Variants in PCSK6 observed in about 807,000 individuals in gnomAD.
PCSK6 encodes paired basic amino acid cleaving enzyme 4.
Under a neutral mutation model 123.3 loss-of-function variants are expected in PCSK6, and 85 were observed. The ratio of observed to expected loss-of-function variants is 0.69; its 90% CI spans 0.58 to 0.83. The LOEUF is 0.83. Ranked by LOEUF, PCSK6 falls within the 40% of genes least tolerant of loss-of-function variation. The probability of loss-of-function intolerance (pLI) is 0.00; values close to 1 mark genes in which losing one functional copy is unlikely to be tolerated. For missense variants in PCSK6, 1,191 were observed against 1,282.3 expected, an observed-to-expected ratio of 0.93 and a Z score of 1.09; for synonymous variants, 508 against 516.0, an observed-to-expected ratio of 0.98 and a Z score of 0.21.
intron 13 of PCSK6, among the ~76,000 whole-genome samples, chr15:101,353,065 C>A (rs1242745350): frequency 6.6e-6 from 1 of 152,192 alleles, no homozygotes; most frequent in African/African-American, 2.4e-5. Flanking sequence ...AAGCACATGA[C>A]AATCATTGTG....
intron 9 of PCSK6, among the ~76,000 whole-genome samples, chr15:101,386,157 C>A (rs746814294): frequency 6.6e-6 from 1 of 152,042 alleles, no homozygotes. Flanking sequence ...GAACGCACGC[C>A]GCGCCACAGG....
intron 1 of PCSK6, among the ~76,000 whole-genome samples, chr15:101,461,986 A>G (rs1006742301): frequency 6.6e-6 from 1 of 152,238 alleles, no homozygotes; most frequent in African/African-American, 2.4e-5. Context: ...CATGATAAAT[A>G]AATAATTAGC....
At chr15:101,399,990 A>T (rs4965845) in intron 6 of PCSK6, among the ~76,000 whole-genome samples, 86,642 of 152,026 alleles carry the variant, frequency 0.57, 25,197 homozygotes, top group East Asian at 0.74. Context: ...CTTTGGGAAA[A>T]AGAGAAATAA....
intron 6 of PCSK6, among the ~76,000 whole-genome samples, chr15:101,409,389 T>G (rs1247330154): frequency 6.6e-6 from 1 of 152,012 alleles, no homozygotes; most frequent in Non-Finnish European, 1.5e-5. Flanking sequence ...ATCGAGACCA[T>G]CCTGGCTAAC....
intron 9 of PCSK6, among the ~76,000 whole-genome samples, chr15:101,385,371 A>C (rs2042030304): frequency 6.6e-6 from 1 of 152,048 alleles, no homozygotes; most frequent in South Asian, 2.1e-4. Context: ...TTATGATCTG[A>C]TACCTCTTAT....
chr15:101,410,248 G>A (rs2042907428), intron 6 of PCSK6, among the ~76,000 whole-genome samples: 1 of 152,142 alleles, frequency 6.6e-6, no homozygotes, highest in Non-Finnish European at 1.5e-5. Context: ...TTAGAATTCT[G>A]CAGGCCCCAG....
intron 6 of PCSK6, among the ~76,000 whole-genome samples, chr15:101,416,668 T>A (rs566680462): frequency 6.6e-6 from 1 of 152,232 alleles, no homozygotes; most frequent in Non-Finnish European, 1.5e-5. Context: ...GTCCTCGTAC[T>A]GTATGCAGCC....
At chr15:101,461,946 A>C (rs893600014) in intron 1 of PCSK6, among the ~76,000 whole-genome samples, 2 of 152,214 alleles carry the variant, frequency 1.3e-5, no homozygotes, top group African/African-American at 4.8e-5. Context: ...TTTATTCATC[A>C]TTATACTGAA....
chr15:101,444,941 C>T (rs1054722328), intron 1 of PCSK6, among the ~76,000 whole-genome samples: 1 of 152,206 alleles, frequency 6.6e-6, no homozygotes, highest in African/African-American at 2.4e-5. Context: ...CCCTTTGCTT[C>T]CCTTCAGTTC....
chr15:101,335,751 T>C (rs1463601970), intron 13 of PCSK6, among the ~76,000 whole-genome samples: 1 of 152,236 alleles, frequency 6.6e-6, no homozygotes, highest in Non-Finnish European at 1.5e-5. Flanking sequence ...TATAGTCATG[T>C]GTAGCTTAAC....
At chr15:101,429,440 A>T (rs149538832) in intron 5 of PCSK6, among the ~76,000 whole-genome samples, 1 of 152,264 alleles carries the variant, frequency 6.6e-6, no homozygotes, top group Non-Finnish European at 1.5e-5. Flanking sequence ...GAGGTAGGGG[A>T]CATCACTGGC....
rs115044355 is a variant in PCSK6, at chr15:101,336,445, G to A, written c.1859-4414C>T. ...ACTCGTCACACGTCACATGTCACAC[G>A]TCAAAAGGAACGGGCTCCCTTGCAG... On this transcript the variant is annotated intron_variant, in intron 13 of 21. Coordinates refer to ENST00000611716, the MANE Select transcript of PCSK6 (RefSeq NM_002570.5). Among the ~76,000 whole-genome samples the A allele has an allele frequency of 7.2e-3, 1,096 of 152,308 alleles. 13 individuals are homozygous for A. The highest frequency in any genetic ancestry group is 0.024 in the African/African-American group (981 of 41,566).
chr15:101,330,002 G>A (rs947231229), intron 15 of PCSK6, among the ~76,000 whole-genome samples: 1 of 152,208 alleles, frequency 6.6e-6, no homozygotes, highest in African/African-American at 2.4e-5. Flanking sequence ...CTCTGGGCGG[G>A]GGGACAGCCC....
intron 1 of PCSK6, among the ~76,000 whole-genome samples, chr15:101,475,036 C>T (rs1398694579): frequency 6.6e-6 from 1 of 152,224 alleles, no homozygotes; most frequent in Non-Finnish European, 1.5e-5. Context: ...TCTATGGACC[C>T]CTCCAGGTCT....
At chr15:101,329,002 T>C (rs1306138120) in intron 15 of PCSK6, among the ~76,000 whole-genome samples, 1 of 152,224 alleles carries the variant, frequency 6.6e-6, no homozygotes, top group Non-Finnish European at 1.5e-5. Context: ...TGTACTTAGG[T>C]CTGCTTTTCC....
chr15:101,487,386 AGTGT>A, intron 1 of PCSK6, among the ~76,000 whole-genome samples: 1 of 152,334 alleles, frequency 6.6e-6, no homozygotes, highest in South Asian at 2.1e-4. Context: ...CTGGGTACGG[AGTGT>A]GCATCGGGGC....
chr15:101,479,805 G>A (rs1391293222), intron 1 of PCSK6, among the ~76,000 whole-genome samples: 1 of 152,184 alleles, frequency 6.6e-6, no homozygotes, highest in African/African-American at 2.4e-5. Flanking sequence ...CTCCACCCAG[G>A]GAAGAGTCCG....
rs1261710783 is a variant in PCSK6 at position 101,366,224 on chromosome 15, T to G, written c.1830A>C (p.Pro610=). The change falls in exon 13 of 22, where the codon CCA becomes CCC. Residue 610 remains proline (P), a synonymous_variant. Coordinates refer to ENST00000611716, the MANE Select transcript of PCSK6 (RefSeq NM_002570.5). ...GCTTCTCCGGGTTGCGGACCTGGGA[T>G]GGCAGATCTTGGATTTCCAAGGTCC... The part of the protein sequence containing the change: ...GQWTLEIQDL[P]SQVRNPEKQG... The G allele has an allele frequency of 6.2e-7, 1 of 1,613,450 alleles. No individual in the cohort carries two copies. The highest frequency in any genetic ancestry group is 1.3e-5 in the African/African-American group (1 of 74,908).
At chr15:101,393,878 G>T (rs1348823749) in intron 7 of PCSK6, among the ~76,000 whole-genome samples, 1 of 152,206 alleles carries the variant, frequency 6.6e-6, no homozygotes, top group African/African-American at 2.4e-5. Flanking sequence ...GGAAAAGAAT[G>T]ATTTTTCTGG....
Sources: gnomAD v4.1 joint callset for allele counts (sites outside exome capture counted in the v4.1 genomes callset) on GRCh38, gnomAD v4.1.1 for gene constraint, MANE v1.5 for transcripts, NCBI Gene and HGNC (gene_info 2026-07-23, HGNC 2026-07-21) for gene names.